The following DHX34 variants were observed in gnomAD, a reference collection of about 807,000 sequenced individuals.
The protein encoded by DHX34 is DExH-box helicase 34.
DHX34 carries 96 observed loss-of-function variants against 111.1 expected under a neutral mutation model. The observed-to-expected ratio is 0.86, with a 90% CI of 0.73 to 1.02. The LOEUF (loss-of-function observed/expected upper bound fraction) is 1.02, where lower values mean the gene tolerates loss of function less well. DHX34 is among the 50% of genes least tolerant of loss of function. The pLI, the probability that DHX34 is intolerant of heterozygous loss-of-function variation, is 0.00. For missense variants in DHX34, 1,560 were observed against 1,579.9 expected, an observed-to-expected ratio of 0.99 and a Z score of 0.21; for synonymous variants, 688 against 670.4, an observed-to-expected ratio of 1.03 and a Z score of -0.41.
chr19:47,357,150 A>T (rs1225432684), intron 3 of DHX34, among the ~76,000 whole-genome samples: 3 of 152,158 alleles, frequency 2.0e-5, no homozygotes, highest in African/African-American at 7.2e-5. Flanking sequence ...AACCTGGCTC[A>T]GGCTCAGGGT....
intron 13 of DHX34, among the ~76,000 whole-genome samples, chr19:47,378,857 T>G (rs1467688635): frequency 6.6e-6 from 1 of 151,228 alleles, no homozygotes; most frequent in African/African-American, 2.4e-5. Context: ...AAGCCGGGCA[T>G]GGTGGCTCAC....
chr19:47,358,587 A>G (rs1005189306), intron 4 of DHX34, among the ~76,000 whole-genome samples: 3 of 151,504 alleles, frequency 2.0e-5, no homozygotes, highest in East Asian at 3.9e-4. Context: ...CCAAGTAGCA[A>G]CTATAGGTGT....
At position 47,353,361 on chromosome 19, in the gene DHX34, C is replaced by T; in HGVS notation, c.331C>T (p.Leu111Phe). Residue 111 changes from leucine to phenylalanine, a missense_variant, in exon 2 of 17, where the codon CTT (leucine) becomes TTT (phenylalanine). Coordinates refer to ENST00000328771, the MANE Select transcript of DHX34 (RefSeq NM_014681.6). This position sits in a 1 kb window ranked among gnomAD's most constrained non-coding sequence, Gnocchi z 4.6. The part of the protein sequence containing the change: ...DPRYRINLSV[L>F]GPATRGSQGL... ...ACGTTACCGCATCAACCTCTCTGTT[C>T]TTGGCCCTGCCACGCGGGGCTCTCA... is the stretch of plus-strand genomic sequence containing the variant. The T allele has an allele frequency of 6.2e-7, 1 of 1,614,232 alleles. No homozygotes were observed. The highest frequency in any genetic ancestry group is 1.3e-5 in the African/African-American group (1 of 75,058).
intron 7 of DHX34, among the ~76,000 whole-genome samples, chr19:47,370,349 C>T (rs946744912): frequency 6.6e-6 from 1 of 152,164 alleles, no homozygotes; most frequent in Non-Finnish European, 1.5e-5. Context: ...CTCCTCTGCA[C>T]AGCGTGTCCC....
chr19:47,379,905 G>A lies in DHX34; in HGVS notation c.2902G>A (p.Glu968Lys), dbSNP rs1970299482. The A allele has an allele frequency of 1.2e-6, 2 of 1,601,278 alleles. No individual in the cohort carries two copies. The highest frequency in any genetic ancestry group is 2.7e-5 in the African/African-American group (2 of 74,066). Reference sequence around the variant, plus strand: ...GCACCAGGCCCAGCAGCAGCTGGAGGAGGAGGAGGAGGATACGCCAGTCAG... The same window carrying A: ...GCACCAGGCCCAGCAGCAGCTGGAGAAGGAGGAGGAGGATACGCCAGTCAG... ...LAHQAQQQLE[E>K]EEEDTPVSPK... The change falls in exon 14 of 17, where the codon GAG becomes AAG. Residue 968 changes from glutamate to lysine, a missense_variant. Coordinates refer to ENST00000328771, the MANE Select transcript of DHX34 (RefSeq NM_014681.6).
At chr19:47,376,736 C>G (rs907272060) in intron 12 of DHX34, 176 bp downstream of exon 12, 1 of 1,429,258 alleles carries the variant, frequency 7.0e-7, no homozygotes, top group Non-Finnish European at 9.3e-7. Flanking sequence ...GGGTGACTCA[C>G]CCCTGCTGGG....
In DHX34 at chr19:47,381,235, C is replaced by T. The variant is rs1438553953; in HGVS notation, c.3209C>T (p.Pro1070Leu). 1 of 1,614,100 alleles carries T rather than the reference C, an allele frequency of 6.2e-7. No individual in the cohort carries two copies. The highest frequency in any genetic ancestry group is 1.7e-5 in the Admixed American group (1 of 60,024). The change falls in exon 16 of 17, where the codon CCC (proline) becomes CTC (leucine). Residue 1070 changes from proline to leucine, a missense_variant. Physicochemically the swap from Pro to Leu is moderately conservative, Grantham distance 98. Transcript: ENST00000328771. ...SDCLRTFWTCPHCGLHAPLTP... is the reference protein window; with the variant it reads ...SDCLRTFWTCLHCGLHAPLTP... ...TGTCTCCGAACCTTCTGGACCTGCCCCCACTGTGGCCTGCATGCGCCCCTC... is the reference window on the plus strand; with the variant it reads ...TGTCTCCGAACCTTCTGGACCTGCCTCCACTGTGGCCTGCATGCGCCCCTC...
At position 47,375,992 on chromosome 19, in the gene DHX34, G is replaced by A. The variant is rs1269842707; in HGVS notation, c.2376G>A (p.Leu792=). 7 of 1,605,934 alleles carry A rather than the reference G, an allele frequency of 4.4e-6. No homozygotes were observed. Among genetic ancestry groups the A allele is most frequent in the Non-Finnish European group, 5.1e-6 (6 of 1,177,880 alleles). ...LQAAASSAQD[L]SREQLALLKL... ...CCGCTGCCAGCTCAGCCCAGGACCT[G>A]AGCCGCGAGCAGCTGGCTCTGCTGA... The change falls in exon 11 of 17, where the codon CTG becomes CTA. Residue 792 remains leucine, a synonymous_variant. Coordinates refer to ENST00000328771, the MANE Select transcript of DHX34 (RefSeq NM_014681.6).
At chr19:47,351,456 G>A (rs539163040) in intron 1 of DHX34, among the ~76,000 whole-genome samples, 138 of 152,210 alleles carry the variant, frequency 9.1e-4, no homozygotes, top group African/African-American at 3.2e-3. Flanking sequence ...GCTGAGAAGT[G>A]GGGGGTTGAA....
chr19:47,353,640 T>C lies in DHX34; in HGVS notation c.610T>C (p.Phe204Leu), dbSNP rs1187906981. 6.2e-7 allele frequency: 1 copy of C among 1,613,218 alleles called. No homozygotes were observed. The change falls in exon 2 of 17, where the codon TTC becomes CTC. Residue 204 changes from phenylalanine to leucine, a missense_variant. Transcript: ENST00000328771. This position sits in a 1 kb window ranked among gnomAD's most constrained non-coding sequence, Gnocchi z 4.6. The part of the protein sequence containing the change: ...QVPQYLLAAG[F>L]SHVACTQPRR... The stretch of plus-strand genomic sequence containing the variant: ...GCCCCAGTACCTGCTGGCTGCTGGC[T>C]TCAGTCATGTGGCGTGCACCCAGCC...
At position 47,372,843 on chromosome 19, in the gene DHX34, T is replaced by A. The variant is rs756291201; in HGVS notation, c.1882T>A (p.Cys628Ser). 2.3e-5 allele frequency: 37 copies of A among 1,612,068 alleles called. No homozygotes were observed. In the South Asian group the frequency reaches 3.7e-4, roughly 16 times the overall value. ...CCGCAGCGCCCAGAGCAGCCCAGAG[T>A]GCGCGGCAGCACGGCGGCCGCTGGA... ...FTRSAQSSPE[C>S]AAARRPLESD... The change falls in exon 8 of 17, where the codon TGC becomes AGC. Residue 628 changes from cysteine to serine, a missense_variant. Cys to Ser is a moderately radical substitution (Grantham distance 112). Transcript: ENST00000328771.
chr19:47,358,457 T>G (rs1599756685), intron 4 of DHX34, among the ~76,000 whole-genome samples: 1 of 105,840 alleles, frequency 9.4e-6, no homozygotes, highest in African/African-American at 4.1e-5. Context: ...TCCAAAACAG[T>G]TTTTTTTTTT....
At chr19:47,369,041 C>G (rs1969889128) in intron 7 of DHX34, among the ~76,000 whole-genome samples, 1 of 152,122 alleles carries the variant, frequency 6.6e-6, no homozygotes. Flanking sequence ...CCACGCCTGG[C>G]TAATTTTTGT....
intron 3 of DHX34, among the ~76,000 whole-genome samples, chr19:47,356,386 C>A (rs966658678): frequency 2.0e-5 from 3 of 152,074 alleles, no homozygotes; most frequent in African/African-American, 7.2e-5. Flanking sequence ...AATCCCAGCA[C>A]TTTGGGAGGC....
chr19:47,351,596 A>G (rs1969288373), intron 1 of DHX34, among the ~76,000 whole-genome samples: 1 of 152,118 alleles, frequency 6.6e-6, no homozygotes, highest in Non-Finnish European at 1.5e-5. Context: ...GATTTTAGGA[A>G]AGACTCTGTC....
Position 47,353,327 on chromosome 19 carries a change from T to G in DHX34, c.297T>G (p.Thr99=). 7 of 1,614,156 alleles carry G rather than the reference T, an allele frequency of 4.3e-6. No homozygotes were observed. Among genetic ancestry groups the G allele is most frequent in the Non-Finnish European group, 5.9e-6 (7 of 1,180,018 alleles). Residue 99 remains threonine, a synonymous_variant, in exon 2 of 17, where the codon ACT becomes ACG. Coordinates refer to ENST00000328771, the MANE Select transcript of DHX34 (RefSeq NM_014681.6). The surrounding 1 kb of genome is among the most constrained non-coding windows in gnomAD (Gnocchi z 4.6). ...SIPALADLPR[T]YDPRYRINLS... ...CAGCGCTGGCCGACCTACCTCGCACTTACGACCCACGTTACCGCATCAACC... is the reference window on the plus strand; with the variant it reads ...CAGCGCTGGCCGACCTACCTCGCACGTACGACCCACGTTACCGCATCAACC...
rs574235551 is a variant in DHX34 at position 47,366,558 on chromosome 19, G to A, written c.1594-423G>A. ...GGCCTCCCAAAGTGCTAGGATTACA[G>A]GCATGAGCCACTGTGCCTGGCTGAC... On this transcript the variant is annotated intron_variant, in intron 6 of 16. Coordinates refer to ENST00000328771, the MANE Select transcript of DHX34 (RefSeq NM_014681.6). Among the ~76,000 whole-genome samples the A allele has an allele frequency of 2.0e-5, 3 of 151,082 alleles. No individual in the cohort carries two copies. The East Asian group carries it at 5.9e-4, about 30-fold the overall frequency.
At position 47,375,710 on chromosome 19, in the gene DHX34, T is replaced by A; in HGVS notation, c.2307+2T>A. On this transcript the variant is annotated splice_donor_variant, in intron 10 of 16. Transcript: ENST00000328771. LOFTEE classifies it high-confidence loss of function. ...GCCAGTGATGGCGTGGACATCCAGG[T>A]GGGCGCCATGGGCTGTGGGGTGTGG... 6.4e-7 allele frequency: 1 copy of A among 1,559,008 alleles called. No homozygotes were observed. Among genetic ancestry groups the A allele is most frequent in the Non-Finnish European group, 8.6e-7 (1 of 1,157,282 alleles).
intron 11 of DHX34, 88 bp from the exon 12 acceptor site, chr19:47,376,355 G>A: frequency 6.5e-7 from 1 of 1,547,174 alleles, no homozygotes; most frequent in Non-Finnish European, 8.7e-7. Flanking sequence ...CTGGAGGAGG[G>A]AACCTGGGCC....
Sources: allele counts gnomAD v4.1 joint callset (sites outside exome capture counted in the v4.1 genomes callset), GRCh38; gene constraint gnomAD v4.1.1; non-coding constraint Gnocchi (gnomAD v3.1); transcripts MANE v1.5; gene names NCBI Gene and HGNC (gene_info 2026-07-23, HGNC 2026-07-21).